ANKRD44: variants seen among roughly 807,000 people sequenced by gnomAD.
ANKRD44 encodes the protein ankyrin repeat domain 44.
Under a neutral mutation model 116.0 loss-of-function variants are expected in ANKRD44, and 35 were observed. That is an observed-to-expected ratio of 0.30 (90% confidence interval 0.23 to 0.40). The LOEUF is 0.40. ANKRD44 is among the 10% of genes least tolerant of loss of function. The pLI is 1.00. For missense variants in ANKRD44, 1,014 were observed against 1,242.6 expected (o/e 0.82, Z 2.77); for synonymous variants, 435 against 461.8 (o/e 0.94, Z 0.74).
At chr2:197,136,463 A>G in intron 4 of ANKRD44, 129 bp downstream of exon 4, 1 of 799,992 alleles carries the variant, frequency 1.3e-6, no homozygotes, top group Non-Finnish European at 2.1e-6. Context: ...AAAGCTGTTC[A>G]TTTTGGGTAA....
chr2:197,214,169 G>C (rs1167773243), intron 1 of ANKRD44, among the ~76,000 whole-genome samples: 2 of 152,220 alleles, frequency 1.3e-5, no homozygotes, highest in Middle Eastern at 3.4e-3. Flanking sequence ...TTTATGTTCA[G>C]GGTGTATATT....
chr2:197,095,020 C>T (rs1035887813), intron 10 of ANKRD44, among the ~76,000 whole-genome samples: 1 of 152,220 alleles, frequency 6.6e-6, no homozygotes, highest in African/African-American at 2.4e-5. Flanking sequence ...ACATACCAGT[C>T]CCTCCACCTG....
At chr2:197,044,511 A>C (rs948154054) in intron 16 of ANKRD44, among the ~76,000 whole-genome samples, 2 of 152,020 alleles carry the variant, frequency 1.3e-5, no homozygotes, top group Admixed American at 1.3e-4. Flanking sequence ...ACAGGTGCCT[A>C]CCACACATAC....
intron 1 of ANKRD44, among the ~76,000 whole-genome samples, chr2:197,196,024 A>G (rs1382284720): frequency 6.6e-6 from 1 of 152,266 alleles, no homozygotes; most frequent in Non-Finnish European, 1.5e-5. Context: ...TAGTTCATAC[A>G]GAACATTTAA....
At chr2:197,235,516 T>C (rs548282700) in intron 1 of ANKRD44, among the ~76,000 whole-genome samples, 79 of 151,226 alleles carry the variant, frequency 5.2e-4, no homozygotes, top group African/African-American at 1.9e-3. Context: ...CTTGGGAGGC[T>C]GAGGCAGGAG....
intron 1 of ANKRD44, among the ~76,000 whole-genome samples, chr2:197,294,716 T>C (rs987458608): frequency 2.0e-5 from 3 of 152,216 alleles, no homozygotes; most frequent in Non-Finnish European, 2.9e-5. Flanking sequence ...TATTTTTAAT[T>C]GTATAATTTC....
chr2:197,214,196 T>C (rs535352244), intron 1 of ANKRD44, among the ~76,000 whole-genome samples: 4 of 152,226 alleles, frequency 2.6e-5, no homozygotes, highest in African/African-American at 9.6e-5. Flanking sequence ...TTGGTTATTA[T>C]AGAAAAAAAA....
chr2:197,229,816 A>G (rs142970547), intron 1 of ANKRD44, among the ~76,000 whole-genome samples: 24 of 152,304 alleles, frequency 1.6e-4, no homozygotes, highest in African/African-American at 5.1e-4. Context: ...TCCAGTGTCC[A>G]TGTGCTTAAC....
rs147191427 is a variant in ANKRD44 at position 197,292,672 on chromosome 2, T to A, written c.27+17906A>T. On this transcript the variant is annotated intron_variant, in intron 1 of 27. Transcript: ENST00000282272. ...TATAAAAATCTTTTGGTGGTAGGGG[T>A]TGGGGATAAAAAATGTTGCCATGAG... 1.2e-3 allele frequency among the ~76,000 whole-genome samples: 180 copies of A among 152,076 alleles called. 2 individuals carry two copies. The highest frequency in any genetic ancestry group is 4.1e-3 in the African/African-American group (168 of 41,478).
intron 4 of ANKRD44, among the ~76,000 whole-genome samples, chr2:197,126,808 G>A (rs2078985242): frequency 6.6e-6 from 1 of 150,838 alleles, no homozygotes; most frequent in Non-Finnish European, 1.5e-5. Context: ...TGCTTTTAAT[G>A]GCAAAAACCG....
chr2:197,306,766 G>A (rs752713669), intron 1 of ANKRD44, among the ~76,000 whole-genome samples: 1 of 152,092 alleles, frequency 6.6e-6, no homozygotes, highest in Non-Finnish European at 1.5e-5. Context: ...CACTGCCACC[G>A]CTGCCAGCCA....
At chr2:197,149,007 G>A (rs1212534414) in intron 2 of ANKRD44, among the ~76,000 whole-genome samples, 1 of 152,158 alleles carries the variant, frequency 6.6e-6, no homozygotes, top group African/African-American at 2.4e-5. Context: ...AACTATATAA[G>A]CTGAGAACAG....
chr2:197,278,513 C>T (rs1245525402), intron 1 of ANKRD44, among the ~76,000 whole-genome samples: 2 of 152,046 alleles, frequency 1.3e-5, no homozygotes, highest in African/African-American at 2.4e-5. Context: ...CGCACCACCA[C>T]GCCCGGTTAA....
intron 16 of ANKRD44, among the ~76,000 whole-genome samples, chr2:197,057,488 T>TA (rs1422970336): frequency 2.0e-5 from 3 of 152,026 alleles, no homozygotes; most frequent in African/African-American, 4.8e-5. Flanking sequence ...AATTTTTTTT[T>TA]AAATTAAGAG....
chr2:197,030,478 G>T (rs75363224), intron 16 of ANKRD44, among the ~76,000 whole-genome samples: 14,631 of 152,174 alleles, frequency 0.096, 913 homozygotes, highest in African/African-American at 0.17. Flanking sequence ...GCCAAAAAGT[G>T]GTGTGACTCT....
chr2:197,137,445 A>G (rs554177316), intron 3 of ANKRD44, among the ~76,000 whole-genome samples: 2 of 152,330 alleles, frequency 1.3e-5, no homozygotes, highest in East Asian at 3.9e-4. Context: ...AAGTGAGTCA[A>G]GGGGAAGCAG....
intron 4 of ANKRD44, among the ~76,000 whole-genome samples, chr2:197,131,192 C>CT (rs11313608): frequency 1.1e-3 from 143 of 130,084 alleles, no homozygotes; most frequent in African/African-American, 2.5e-3. Flanking sequence ...ATAGTAAGTA[C>CT]TTTTTTTTTT....
chr2:197,164,828 T>C (rs2125515190), intron 2 of ANKRD44, among the ~76,000 whole-genome samples: 1 of 152,072 alleles, frequency 6.6e-6, no homozygotes, highest in South Asian at 2.1e-4. Context: ...GTTTTTTTTT[T>C]CCATTTAGTT....
intron 9 of ANKRD44, among the ~76,000 whole-genome samples, chr2:197,102,402 G>T (rs2078314530): frequency 6.6e-6 from 1 of 152,184 alleles, no homozygotes; most frequent in Admixed American, 6.5e-5. Context: ...ATTTCTCTCT[G>T]TAGGCACGGT....
Sources: allele counts gnomAD v4.1 joint callset (sites outside exome capture counted in the v4.1 genomes callset), GRCh38; gene constraint gnomAD v4.1.1; transcripts MANE v1.5; gene names NCBI Gene and HGNC (gene_info 2026-07-23, HGNC 2026-07-21).